The following HGD variants were observed in gnomAD, a reference collection of about 807,000 sequenced individuals.
HGD encodes the protein homogentisate 1,2-dioxygenase, also known as homogentisate oxidase.
In HGD, 61 loss-of-function variants were observed where a neutral mutation model predicts 60.8. That is an observed-to-expected ratio of 1.00 (90% confidence interval 0.82 to 1.24). The LOEUF (loss-of-function observed/expected upper bound fraction) is 1.24. Among genes scored for constraint, HGD ranks in the 50% most tolerant of loss-of-function variants. The pLI is 0.00. For synonymous variants in HGD, 212 were observed against 187.7 expected, an observed-to-expected ratio of 1.13 and a Z score of -1.06; for missense variants, 542 against 547.1, an observed-to-expected ratio of 0.99 and a Z score of 0.09.
chr3:120,674,832 A>G, intron 3 of HGD, 69 bp downstream of exon 3: 1 of 1,022,680 alleles, frequency 9.8e-7, no homozygotes. Context: ...GCCCAGGGGA[A>G]GGAGGCAGCA....
chr3:120,658,510 G>A (rs563551574), intron 4 of HGD, among the ~76,000 whole-genome samples: 11 of 152,292 alleles, frequency 7.2e-5, no homozygotes, highest in African/African-American at 2.4e-4. Flanking sequence ...CAGCACCTGC[G>A]GCTGCTCTCA....
At chr3:120,675,963 T>C (rs994530289) in intron 1 of HGD, 100 bp from the exon 2 acceptor site, 1 of 821,952 alleles carries the variant, frequency 1.2e-6, no homozygotes, top group African/African-American at 1.7e-5. Flanking sequence ...TATGGACCTA[T>C]GTTTGTGTAT....
At chr3:120,630,843 T>TAC (rs111540631) in intron 13 of HGD, among the ~76,000 whole-genome samples, 8,918 of 116,606 alleles carry the variant, frequency 0.076, 307 homozygotes, top group East Asian at 0.093. Context: ...CACACACACA[T>TAC]ACACACACAC....
intron 4 of HGD, among the ~76,000 whole-genome samples, chr3:120,653,315 C>T (rs1259144227): frequency 6.6e-6 from 1 of 152,140 alleles, no homozygotes; most frequent in East Asian, 1.9e-4. Flanking sequence ...CAGGTTTAGG[C>T]CCTTCTTGAA....
In HGD at chr3:120,634,910, G is replaced by A. The variant is rs1053020949; in HGVS notation, c.1007-1582C>T. On this transcript the variant is annotated intron_variant, in intron 12 of 13. Coordinates refer to ENST00000283871, the MANE Select transcript of HGD (RefSeq NM_000187.4). ...ATCATAGTTCTACTTGTTTCTCTATGAAGTGGAAATACAGAAAAAGAAGCA... is the reference window on the plus strand; with the variant it reads ...ATCATAGTTCTACTTGTTTCTCTATAAAGTGGAAATACAGAAAAAGAAGCA... Among the ~76,000 whole-genome samples, 3 of 152,334 alleles carry A rather than the reference G, an allele frequency of 2.0e-5. No individual in the cohort carries two copies. In the East Asian group the frequency reaches 5.8e-4, roughly 29 times the overall value.
intron 11 of HGD, among the ~76,000 whole-genome samples, chr3:120,640,297 C>T (rs1180846917): frequency 6.6e-6 from 1 of 151,308 alleles, no homozygotes; most frequent in Non-Finnish European, 1.5e-5. Context: ...AGGGAAATGA[C>T]ATTTTAATCA....
intron 6 of HGD, among the ~76,000 whole-genome samples, chr3:120,649,978 G>A (rs771299243): frequency 9.9e-5 from 15 of 152,088 alleles, no homozygotes; most frequent in African/African-American, 2.2e-4. Flanking sequence ...GAAAAAAAAC[G>A]TGGGAAACAA....
intron 12 of HGD, among the ~76,000 whole-genome samples, chr3:120,635,956 TC>T (rs1399234231): frequency 6.6e-6 from 1 of 151,990 alleles, no homozygotes; most frequent in African/African-American, 2.4e-5. Context: ...TTCATCAGAA[TC>T]CCCTGACTTG....
intron 4 of HGD, 149 bp from the exon 5 acceptor site, chr3:120,652,800 T>C: frequency 1.6e-6 from 1 of 642,766 alleles, no homozygotes; most frequent in South Asian, 1.7e-5. Flanking sequence ...AAAATGATTA[T>C]CCATCATTTC....
chr3:120,676,570 G>A (rs1252485855), intron 1 of HGD, among the ~76,000 whole-genome samples: 1 of 152,216 alleles, frequency 6.6e-6, no homozygotes, highest in Admixed American at 6.5e-5. Context: ...CCTATAAGCT[G>A]CATGAAGGCT....
Position 120,678,868 on chromosome 3 carries a change from CA to C in HGD, c.16-3006del, listed in dbSNP as rs376314991. 3.5e-3 allele frequency among the ~76,000 whole-genome samples: 535 copies of C among 152,324 alleles called. 3 individuals carry two copies. The highest frequency in any genetic ancestry group is 0.012 in the African/African-American group (507 of 41,572). On this transcript the variant is annotated intron_variant, in intron 1 of 13. Transcript: ENST00000283871. ...AGCTGCTTTCTCCAGACATTGAGCTCAAGGACAGAATCTGAACTCTGCTTTT... is the reference window on the plus strand; with the variant it reads ...AGCTGCTTTCTCCAGACATTGAGCTCAGGACAGAATCTGAACTCTGCTTTT...
At chr3:120,637,702 A>G (rs1051031275) in intron 12 of HGD, among the ~76,000 whole-genome samples, 9 of 152,278 alleles carry the variant, frequency 5.9e-5, no homozygotes, top group African/African-American at 2.2e-4. Flanking sequence ...CAACAGACTA[A>G]CTAACAACCT....
intron 4 of HGD, among the ~76,000 whole-genome samples, chr3:120,668,843 T>C (rs1320203849): frequency 6.6e-6 from 1 of 152,172 alleles, no homozygotes; most frequent in Non-Finnish European, 1.5e-5. Flanking sequence ...TCTGTTTTTC[T>C]TCCTGCCCTA....
chr3:120,662,467 T>C (rs1053130363), intron 4 of HGD, among the ~76,000 whole-genome samples: 8 of 152,126 alleles, frequency 5.3e-5, no homozygotes, highest in African/African-American at 1.7e-4. Flanking sequence ...ATGGGAGTCA[T>C]CTGGGGAGAC....
rs938690333 is a variant in HGD at position 120,640,631 on chromosome 3, C to T, written c.879+958G>A. 9.2e-5 allele frequency among the ~76,000 whole-genome samples: 14 copies of T among 152,340 alleles called. 1 individual carries two copies. The highest frequency in any genetic ancestry group is 8.3e-4 in the South Asian group (4 of 4,826). The stretch of plus-strand genomic sequence containing the variant: ...CAACCCTTATTGCTGTGAGAATTGA[C>T]ATTTCTTCAACTGTCATGGGACATG... On this transcript the variant is annotated intron_variant, in intron 11 of 13. Transcript: ENST00000283871.
At chr3:120,661,728 A>G (rs1399726696) in intron 4 of HGD, among the ~76,000 whole-genome samples, 1 of 152,258 alleles carries the variant, frequency 6.6e-6, no homozygotes, top group African/African-American at 2.4e-5. Context: ...AAATGTAAAA[A>G]GAGCTAGCAA....
chr3:120,651,602 G>A (rs1012259391), intron 5 of HGD, among the ~76,000 whole-genome samples: 2 of 152,236 alleles, frequency 1.3e-5, no homozygotes, highest in Non-Finnish European at 2.9e-5. Context: ...TAATAAAGAT[G>A]AGAACTTCAA....
intron 1 of HGD, among the ~76,000 whole-genome samples, chr3:120,681,318 C>T (rs528004595): frequency 5.0e-4 from 76 of 152,324 alleles, no homozygotes; most frequent in African/African-American, 1.8e-3. Context: ...GGCCTGGGCA[C>T]TAGGCATGGT....
In HGD at chr3:120,674,939, T is replaced by C. The variant is rs374495094; in HGVS notation, c.138A>G (p.Gly46=). 1 of 1,612,138 alleles carries C rather than the reference T, an allele frequency of 6.2e-7. No individual in the cohort carries two copies. The highest frequency in any genetic ancestry group is 1.7e-5 in the Admixed American group (1 of 59,952). The change falls in exon 3 of 14, where the codon GGA becomes GGG. Residue 46 remains glycine, a synonymous_variant. Coordinates refer to ENST00000283871, the MANE Select transcript of HGD (RefSeq NM_000187.4). The part of the protein sequence containing the change: ...PYNLYAEQLS[G]SAFTCPRSTN... ...TGCTCCGTGGACAAGTGAAAGCCGA[T>C]CCTGAGAGCTGCTCAGCATAGAGAT...
Sources: gnomAD v4.1 joint callset for allele counts (sites outside exome capture counted in the v4.1 genomes callset) on GRCh38, gnomAD v4.1.1 for gene constraint, MANE v1.5 for transcripts, NCBI Gene and HGNC (gene_info 2026-07-23, HGNC 2026-07-21) for gene names.